The following ABCA5 variants were observed in gnomAD, a reference collection of about 807,000 sequenced individuals.
The protein encoded by ABCA5 is cholesterol transporter ABCA5.
Under a neutral mutation model 206.0 loss-of-function variants are expected in ABCA5, and 163 were observed. The observed-to-expected ratio is 0.79, with a 90% CI of 0.70 to 0.90. ABCA5 has a LOEUF of 0.90. Ranked by LOEUF, ABCA5 falls within the 40% of genes least tolerant of loss-of-function variation. ABCA5 has a pLI of 0.00. For synonymous variants in ABCA5, 609 were observed against 613.8 expected (o/e 0.99, Z 0.11); for missense variants, 1,859 against 1,912.9 (o/e 0.97, Z 0.53).
chr17:69,255,599 CA>C lies in ABCA5; in HGVS notation c.4011del (p.Gly1338AlafsTer22), dbSNP rs2075066975. 1 of 1,581,396 alleles carries C rather than the reference CA, an allele frequency of 6.3e-7. No homozygotes were observed. Among genetic ancestry groups the C allele is most frequent in the Admixed American group, 2.0e-5 (1 of 50,194 alleles). On this transcript the variant is annotated frameshift_variant, in exon 31 of 39. Coordinates refer to ENST00000392676, the MANE Select transcript of ABCA5 (RefSeq NM_172232.4). LOFTEE classifies it high-confidence loss of function. ...EILGLLGPNG[A>X]GKSTIINILV... is the part of the protein sequence containing the mutation. ...AGAATATTAATAATTGTGCTTTTGCCAGCACCATTTGGACCCAATAGTCCTA... is the reference window on the plus strand; with the variant it reads ...AGAATATTAATAATTGTGCTTTTGCCGCACCATTTGGACCCAATAGTCCTA...
At chr17:69,283,826 C>T (rs1314889824) in intron 18 of ABCA5, 127 bp downstream of exon 18, 5 of 822,140 alleles carry the variant, frequency 6.1e-6, no homozygotes, top group Non-Finnish European at 8.6e-6. Flanking sequence ...ATCAGTATCT[C>T]ATTACTTATT....
intron 1 of ABCA5, among the ~76,000 whole-genome samples, chr17:69,319,694 A>G (rs1467098043): frequency 2.0e-5 from 3 of 152,242 alleles, no homozygotes; most frequent in Non-Finnish European, 4.4e-5. Context: ...CTAATGTACC[A>G]CACCTACTGT....
intron 4 of ABCA5, among the ~76,000 whole-genome samples, chr17:69,309,017 C>G (rs2075745284): frequency 6.6e-6 from 1 of 151,758 alleles, no homozygotes; most frequent in Non-Finnish European, 1.5e-5. Flanking sequence ...TTGCTTTATG[C>G]TACTGTATTT....
chr17:69,324,579 A>C (rs2075885842), intron 1 of ABCA5, among the ~76,000 whole-genome samples: 1 of 152,212 alleles, frequency 6.6e-6, no homozygotes, highest in African/African-American at 2.4e-5. Context: ...GCAATCACAT[A>C]TTCCACTAGT....
In ABCA5 at chr17:69,295,135, T is replaced by G. The variant is rs530766401; in HGVS notation, c.1437-422A>C. On this transcript the variant is annotated intron_variant, in intron 10 of 38. Transcript: ENST00000392676. The stretch of plus-strand genomic sequence containing the variant: ...GAAAAAATATATATTTACATTATTA[T>G]ACTGTATTTATCAATGCCGTCAGTT... 4.6e-5 allele frequency among the ~76,000 whole-genome samples: 7 copies of G among 152,330 alleles called. No individual in the cohort carries two copies. In the South Asian group the frequency reaches 1.5e-3, roughly 32 times the overall value.
intron 27 of ABCA5, 87 bp from the exon 28 acceptor site, chr17:69,259,884 C>T (rs372367934): frequency 6.6e-5 from 45 of 680,610 alleles, no homozygotes; most frequent in African/African-American, 6.2e-4. Flanking sequence ...ACTAAGACTA[C>T]ATACATCAAG....
Position 69,246,378 on chromosome 17 carries a change from T to G in ABCA5, c.*1159A>C, listed in dbSNP as rs1247816501. 6.6e-6 allele frequency: 1 copy of G among 150,568 alleles called. No homozygotes were observed. The highest frequency in any genetic ancestry group is 1.5e-5 in the Non-Finnish European group (1 of 67,252). The allele number at this position is 150,568 out of a possible 1,614,324, so 9.3% of individuals were successfully genotyped here. The stretch of plus-strand genomic sequence containing the variant: ...TGTCAACTAGCATTATTTACACTAT[T>G]TTATACCTTGAGCCAATACATGGGT... On this transcript the variant is annotated 3_prime_UTR_variant, in exon 39 of 39. Coordinates refer to ENST00000392676, the MANE Select transcript of ABCA5 (RefSeq NM_172232.4).
At chr17:69,261,077 A>T in intron 26 of ABCA5, 48 bp downstream of exon 26, 1 of 1,448,816 alleles carries the variant, frequency 6.9e-7, no homozygotes, top group Non-Finnish European at 9.3e-7. Context: ...AAATTAGACC[A>T]TATTTATTTT....
intron 23 of ABCA5, 91 bp downstream of exon 23, chr17:69,267,852 C>T: frequency 3.5e-6 from 2 of 574,268 alleles, no homozygotes; most frequent in East Asian, 3.0e-5. Context: ...TCTGAAATAA[C>T]AATTATACTA....
At chr17:69,281,040 AAAAAT>A (rs2075386547) in intron 18 of ABCA5, among the ~76,000 whole-genome samples, 1 of 149,450 alleles carries the variant, frequency 6.7e-6, no homozygotes, top group African/African-American at 2.5e-5. Context: ...AATAATAAAA[AAAAAT>A]AAAAATAAAT....
At chr17:69,270,463 A>T in intron 22 of ABCA5, 150 bp downstream of exon 22, 2 of 654,976 alleles carry the variant, frequency 3.1e-6, no homozygotes, top group Non-Finnish European at 2.5e-6. Context: ...CCTAAACCTT[A>T]ATGTAAACCG....
intron 6 of ABCA5, 87 bp downstream of exon 6, chr17:69,306,638 A>T: frequency 1.7e-6 from 1 of 598,690 alleles, no homozygotes; most frequent in Non-Finnish European, 2.4e-6. Context: ...TCATCAAGTT[A>T]GGTAAATATC....
chr17:69,276,815 A>G (rs1451053749), intron 19 of ABCA5, among the ~76,000 whole-genome samples: 1 of 152,190 alleles, frequency 6.6e-6, no homozygotes, highest in Non-Finnish European at 1.5e-5. Context: ...TAATAAAATA[A>G]ATTGAAACAT....
In ABCA5 at chr17:69,270,847, T is replaced by C. The variant is rs181772097; in HGVS notation, c.2893-97A>G. 1.3e-5 allele frequency: 15 copies of C among 1,191,038 alleles called. No homozygotes were observed. In the African/African-American group the frequency reaches 2.4e-4, roughly 19 times the overall value. The allele number at this position is 1,191,038 out of a possible 1,614,324, so 73.8% of individuals were successfully genotyped here. On this transcript the variant is annotated intron_variant, in intron 21 of 38. Coordinates refer to ENST00000392676, the MANE Select transcript of ABCA5 (RefSeq NM_172232.4). The stretch of plus-strand genomic sequence containing the variant: ...TTCTCACCAACAAAGCTAATTCTCA[T>C]ACAGAAAAACTGCTTCAACAACTCA...
chr17:69,263,679 T>A (rs1451648546), intron 24 of ABCA5, among the ~76,000 whole-genome samples: 1 of 149,944 alleles, frequency 6.7e-6, no homozygotes, highest in African/African-American at 2.5e-5. Context: ...TCTGGCTTTG[T>A]TCTTTTTACA....
chr17:69,326,745 C>T lies in ABCA5; in HGVS notation c.-16+307G>A, dbSNP rs1022327630. 1.3e-5 allele frequency among the ~76,000 whole-genome samples: 2 copies of T among 152,210 alleles called. No homozygotes were observed. The highest frequency in any genetic ancestry group is 4.8e-5 in the African/African-American group (2 of 41,456). On this transcript the variant is annotated intron_variant, in intron 1 of 38. Coordinates refer to ENST00000392676, the MANE Select transcript of ABCA5 (RefSeq NM_172232.4). The surrounding 1 kb of genome is among the most constrained non-coding windows in gnomAD (Gnocchi z 4.8). ...CGAAGTCCCACGGCCGGACCCGGTC[C>T]CAGGGGAGCCTCGCGGAGCCCCCGC...
chr17:69,279,743 T>C (rs2075371511), intron 18 of ABCA5, among the ~76,000 whole-genome samples: 1 of 152,116 alleles, frequency 6.6e-6, no homozygotes, highest in South Asian at 2.1e-4. Context: ...TCTACAACTA[T>C]CTGATCTTTG....
At position 69,245,357 on chromosome 17, in the gene ABCA5, A is replaced by C. The variant is rs1343124760; in HGVS notation, c.*2180T>G. On this transcript the variant is annotated 3_prime_UTR_variant, in exon 39 of 39. Transcript: ENST00000392676. ...GATGTTGCTTTTGCCTAATATGTAT[A>C]TTTATTTATTTATCTGTACTGACAT... 1 of 151,872 alleles carries C rather than the reference A, an allele frequency of 6.6e-6. No individual in the cohort carries two copies. Among genetic ancestry groups the C allele is most frequent in the African/African-American group, 2.4e-5 (1 of 41,396 alleles). The allele number at this position is 151,872 out of a possible 1,614,324, so 9.4% of individuals were successfully genotyped here.
Position 69,304,771 on chromosome 17 carries a change from A to G in ABCA5, c.828T>C (p.Leu276=), listed in dbSNP as rs746097520. ...WVLLYTSLIF[L]MSLLMAVIAT... is the part of the protein sequence containing the mutation. ...CAATGACTGCCATAAGAAGGGACAT[A>G]AGAAAAATTAAACTTGTATATAGAA... Residue 276 remains leucine, a synonymous_variant, in exon 7 of 39, where the codon CTT becomes CTC. Transcript: ENST00000392676. 32 of 1,607,812 alleles carry G rather than the reference A, an allele frequency of 2.0e-5. No homozygotes were observed. The highest frequency in any genetic ancestry group is 2.6e-5 in the Non-Finnish European group (31 of 1,176,966).
Sources: gnomAD v4.1 joint callset for allele counts (sites outside exome capture counted in the v4.1 genomes callset) on GRCh38, gnomAD v4.1.1 for gene constraint, Gnocchi (gnomAD v3.1) non-coding constraint, MANE v1.5 for transcripts, NCBI Gene and HGNC (gene_info 2026-07-23, HGNC 2026-07-21) for gene names.